Variants in EIF4G3 observed in about 807,000 individuals in gnomAD.
The protein encoded by EIF4G3 is eIF-4-gamma 3.
A neutral mutation model predicts 186.4 loss-of-function variants in EIF4G3; 34 were observed. The ratio of observed to expected loss-of-function variants is 0.18; its 90% CI spans 0.14 to 0.24. EIF4G3 has a LOEUF of 0.24. EIF4G3 is among the 10% of genes least tolerant of loss of function. The probability of loss-of-function intolerance (pLI) is 1.00; values close to 1 mark genes in which losing one functional copy is unlikely to be tolerated. For synonymous variants in EIF4G3, 673 were observed against 679.5 expected (o/e 0.99, Z 0.15); for missense variants, 1,536 against 1,948.5 (o/e 0.79, Z 3.99).
intron 22 of EIF4G3, among the ~76,000 whole-genome samples, chr1:20,862,852 G>A (rs1158475584): frequency 6.6e-6 from 1 of 152,112 alleles, no homozygotes; most frequent in Admixed American, 6.6e-5. Flanking sequence ...ATGCCTCATT[G>A]CAGCCTCAAT....
chr1:20,815,755 A>C, intron 34 of EIF4G3, among the ~76,000 whole-genome samples: 1 of 122,900 alleles, frequency 8.1e-6, no homozygotes, highest in Non-Finnish European at 1.7e-5. Context: ...CTGCCCGGCC[A>C]GTTGCCCCGT....
At chr1:21,111,137 ATAAACT>A (rs1448212625) in intron 2 of EIF4G3, among the ~76,000 whole-genome samples, 1 of 152,252 alleles carries the variant, frequency 6.6e-6, no homozygotes, top group Non-Finnish European at 1.5e-5. Flanking sequence ...TACATGGGCT[ATAAACT>A]TAATCTGTCA....
chr1:21,173,137 C>CAAAAA lies in EIF4G3; in HGVS notation c.-272+3033_-272+3037dup, dbSNP rs1193601902. On this transcript the variant is annotated intron_variant, in intron 2 of 36. Coordinates refer to ENST00000602326, the MANE Select transcript of EIF4G3 (RefSeq NM_001391906.1). Reference sequence around the variant, plus strand: ...CTGGCAACAGAGCGAGACTCAATCTCAAAAAAAAAAAAAAAAAAAAAAAAA... The same window carrying CAAAAA: ...CTGGCAACAGAGCGAGACTCAATCTCAAAAAAAAAAAAAAAAAAAAAAAAAAAAAA... Among the ~76,000 whole-genome samples the CAAAAA allele has an allele frequency of 1.5e-3, 45 of 29,186 alleles. 5 individuals are homozygous for CAAAAA. Among genetic ancestry groups the CAAAAA allele is most frequent in the Middle Eastern group, 0.033 (1 of 30 alleles). The allele number at this position is 29,186 out of a possible 152,430, so 19.1% of individuals were successfully genotyped here.
At chr1:20,876,443 T>TAAA (rs386366428) in intron 20 of EIF4G3, among the ~76,000 whole-genome samples, 21 of 80,876 alleles carry the variant, frequency 2.6e-4, no homozygotes, top group Middle Eastern at 6.3e-3. Context: ...ATTTATTAAG[T>TAAA]AAAAAAAAAA....
intron 7 of EIF4G3, among the ~76,000 whole-genome samples, chr1:20,986,857 C>T (rs2079679199): frequency 1.4e-5 from 2 of 146,610 alleles, no homozygotes. Context: ...CCATGTACAA[C>T]ATAAAATTCA....
chr1:20,865,345 T>C, intron 20 of EIF4G3, 83 bp from the exon 21 acceptor site: 2 of 1,479,728 alleles, frequency 1.4e-6, no homozygotes, highest in Non-Finnish European at 1.8e-6. Flanking sequence ...TTGTATGAAA[T>C]AATGCTGACT....
rs1364048787 is a variant in EIF4G3, at chr1:20,841,041, C to A, written c.3889-13G>T. On this transcript the variant is annotated splice_polypyrimidine_tract_variant and intron_variant, in intron 29 of 36. Transcript: ENST00000602326. ...ACTGCATGGCTTCCTGTTCCAACAGCAAAGAAAGGTTTACTCCAAAATCTG... is the reference window on the plus strand; with the variant it reads ...ACTGCATGGCTTCCTGTTCCAACAGAAAAGAAAGGTTTACTCCAAAATCTG... 6.2e-7 allele frequency: 1 copy of A among 1,612,454 alleles called. No individual in the cohort carries two copies. The highest frequency in any genetic ancestry group is 2.2e-5 in the East Asian group (1 of 44,842).
intron 2 of EIF4G3, among the ~76,000 whole-genome samples, chr1:21,092,006 C>G (rs1325595104): frequency 1.3e-5 from 2 of 152,146 alleles, no homozygotes; most frequent in Non-Finnish European, 2.9e-5. Context: ...CCTGATTGCC[C>G]TGGCCAACTT....
rs529209697 is a variant in EIF4G3 at position 20,999,330 on chromosome 1, A to G, written c.145-1697T>C. 3.0e-5 allele frequency: 11 copies of G among 369,758 alleles called. No homozygotes were observed. In the East Asian group the frequency reaches 6.3e-4, roughly 21 times the overall value. 22.9% of individuals were successfully genotyped at this position (369,758 alleles called of 1,614,324 possible). ...GAGGTCTTGTATTTTCAGTTTTCCA[A>G]TTAGGAGAAGAAAACATCATACTTC... On this transcript the variant is annotated intron_variant, in intron 6 of 36. Coordinates refer to ENST00000602326, the MANE Select transcript of EIF4G3 (RefSeq NM_001391906.1).
rs188743791 is a variant in EIF4G3 at position 21,109,264 on chromosome 1, C to T, written c.-271-20051G>A. ...GTACCCTTACTTTGTTTCAGCCCTG[C>T]TCATGATGTTTATTTTTCCACTATT... On this transcript the variant is annotated intron_variant, in intron 2 of 36. Coordinates refer to ENST00000602326, the MANE Select transcript of EIF4G3 (RefSeq NM_001391906.1). Among the ~76,000 whole-genome samples, 30 of 152,304 alleles carry T rather than the reference C, an allele frequency of 2.0e-4. No individual in the cohort carries two copies. The East Asian group carries it at 5.8e-3, about 29-fold the overall frequency.
rs1009572351 is a variant in EIF4G3, at chr1:21,121,215, C to A, written c.-271-32002G>T. 3.3e-5 allele frequency among the ~76,000 whole-genome samples: 5 copies of A among 152,132 alleles called. 1 individual carries two copies. Among genetic ancestry groups the A allele is most frequent in the African/African-American group, 7.2e-5 (3 of 41,446 alleles). On this transcript the variant is annotated intron_variant, in intron 2 of 36. Transcript: ENST00000602326. ...CAGTCTAAAATGGTATTCTTAACAA[C>A]CCTGGCACCTAGTAGACATTAGTAG...
chr1:20,984,162 AT>A (rs939177298), intron 7 of EIF4G3, among the ~76,000 whole-genome samples: 41 of 151,658 alleles, frequency 2.7e-4, no homozygotes, highest in African/African-American at 8.9e-4. Context: ...TGATATACTA[AT>A]TTTTTTTTCT....
intron 12 of EIF4G3, among the ~76,000 whole-genome samples, chr1:20,962,527 T>C (rs897310031): frequency 5.9e-5 from 9 of 152,192 alleles, no homozygotes; most frequent in African/African-American, 2.2e-4. Context: ...TATCTTGATA[T>C]CAAAAAGTTG....
chr1:20,861,413 C>A (rs1042252652), intron 23 of EIF4G3, among the ~76,000 whole-genome samples: 2 of 151,868 alleles, frequency 1.3e-5, no homozygotes, highest in African/African-American at 2.4e-5. Flanking sequence ...ACAAAAAAAA[C>A]CCAGCAGCAG....
intron 2 of EIF4G3, among the ~76,000 whole-genome samples, chr1:21,135,179 C>A (rs1380071005): frequency 6.6e-6 from 1 of 152,140 alleles, no homozygotes; most frequent in Non-Finnish European, 1.5e-5. Context: ...CAACACCACC[C>A]GCAGAGTCAC....
intron 4 of EIF4G3, among the ~76,000 whole-genome samples, chr1:21,026,677 C>T (rs1293706593): frequency 6.6e-6 from 1 of 152,058 alleles, no homozygotes; most frequent in Non-Finnish European, 1.5e-5. Context: ...CTGGGCTGGG[C>T]ACCATGGCCT....
At position 20,950,043 on chromosome 1, in the gene EIF4G3, A is replaced by C. The variant is rs1247239284; in HGVS notation, c.783T>G (p.Ala261=). The change falls in exon 13 of 37, where the codon GCT becomes GCG. Residue 261 remains alanine (A), a synonymous_variant. Coordinates refer to ENST00000602326, the MANE Select transcript of EIF4G3 (RefSeq NM_001391906.1). ...VYGTVESAHL[A]ASTPVTAASD... ...TAGCTGCAGTGACAGGGGTGCTGGC[A>C]GCAAGATGAGCGCTCTCCACAGTCC... 6.2e-7 allele frequency: 1 copy of C among 1,613,660 alleles called. No individual in the cohort carries two copies.
intron 2 of EIF4G3, among the ~76,000 whole-genome samples, chr1:21,142,135 AG>A (rs894357651): frequency 4.6e-5 from 7 of 151,500 alleles, no homozygotes; most frequent in African/African-American, 1.7e-4. Flanking sequence ...ACTTGAGTCC[AG>A]GCATTTAAGG....
chr1:21,116,253 A>C (rs781591311), intron 2 of EIF4G3, among the ~76,000 whole-genome samples: 2 of 152,222 alleles, frequency 1.3e-5, no homozygotes, highest in Non-Finnish European at 2.9e-5. Context: ...TGTGTAATAC[A>C]TTATATTCCC....
Sources: allele counts gnomAD v4.1 joint callset (sites outside exome capture counted in the v4.1 genomes callset), GRCh38; gene constraint gnomAD v4.1.1; transcripts MANE v1.5; gene names NCBI Gene and HGNC (gene_info 2026-07-23, HGNC 2026-07-21).